The following SMOC2 variants were observed in gnomAD, a reference collection of about 807,000 sequenced individuals.
SMOC2 encodes the protein SPARC-related modular calcium-binding protein 2.
Under a neutral mutation model 61.4 loss-of-function variants are expected in SMOC2, and 39 were observed. That is an observed-to-expected ratio of 0.64 (90% CI 0.49 to 0.83). The LOEUF is 0.83. Ranked by LOEUF, SMOC2 falls within the 40% of genes least tolerant of loss-of-function variation. The pLI, the probability that SMOC2 is intolerant of heterozygous loss-of-function variation, is 0.00. For synonymous variants in SMOC2, 247 were observed against 239.9 expected (o/e 1.03, Z -0.27); for missense variants, 556 against 592.9 (o/e 0.94, Z 0.65).
chr6:168,659,567 AGGTTGAGTCAGGGTGGAGGTTGTAGGT>A (rs1562410579), intron 11 of SMOC2, among the ~76,000 whole-genome samples: 17 of 71,616 alleles, frequency 2.4e-4, no homozygotes, highest in Non-Finnish European at 3.3e-4. Context: ...TGGAGGTTGT[AGGTTGAGTCAGGGTGGAGGTTGTAGGT>A]TGGGTGAGGG....
chr6:168,592,421 A>G (rs865989837), intron 7 of SMOC2, among the ~76,000 whole-genome samples: 26 of 82,660 alleles, frequency 3.1e-4, no homozygotes, highest in East Asian at 5.3e-4. Flanking sequence ...AGGCCTCACG[A>G]GCATCTTTCT....
chr6:168,524,493 C>A (rs1238501667), intron 2 of SMOC2, among the ~76,000 whole-genome samples: 3 of 152,206 alleles, frequency 2.0e-5, no homozygotes, highest in Non-Finnish European at 4.4e-5. Flanking sequence ...AAGAATGGAG[C>A]CCACAGGAGT....
At chr6:168,446,736 T>C (rs977969376) in intron 1 of SMOC2, among the ~76,000 whole-genome samples, 2 of 152,130 alleles carry the variant, frequency 1.3e-5, no homozygotes, top group African/African-American at 2.4e-5. Flanking sequence ...AGGCCAGACA[T>C]CAAATAGCAA....
At chr6:168,633,844 C>T (rs1562395266) in intron 9 of SMOC2, among the ~76,000 whole-genome samples, 1 of 152,146 alleles carries the variant, frequency 6.6e-6, no homozygotes, top group Non-Finnish European at 1.5e-5. Context: ...TTGTAGTTCC[C>T]ATAATCCCCA....
At chr6:168,663,184 C>T (rs1328359187) in intron 11 of SMOC2, among the ~76,000 whole-genome samples, 1 of 152,072 alleles carries the variant, frequency 6.6e-6, no homozygotes, top group Non-Finnish European at 1.5e-5. Context: ...TGCTGGAGCC[C>T]CTGGGGTGCT....
chr6:168,540,121 G>A (rs894400489), intron 4 of SMOC2, among the ~76,000 whole-genome samples: 4 of 152,180 alleles, frequency 2.6e-5, no homozygotes, highest in South Asian at 2.1e-4. Context: ...TTTAATGCCC[G>A]CCTCCCCAAA....
rs1241328814 is a variant in SMOC2 at position 168,535,781 on chromosome 6, G to C, written c.464-7844G>C. ...TGTCAGGAGAGAGGCAGCGCCGCCGGGGGAAGATGGGAGGGAGACCAATGC... is the reference window on the plus strand; with the variant it reads ...TGTCAGGAGAGAGGCAGCGCCGCCGCGGGAAGATGGGAGGGAGACCAATGC... On this transcript the variant is annotated intron_variant, in intron 4 of 12. Coordinates refer to ENST00000356284, the MANE Select transcript of SMOC2 (RefSeq NM_001166412.2). This position sits in a 1 kb window ranked among gnomAD's most constrained non-coding sequence, Gnocchi z 4.6. 6.6e-6 allele frequency among the ~76,000 whole-genome samples: 1 copy of C among 152,230 alleles called. No individual in the cohort carries two copies. Among genetic ancestry groups the C allele is most frequent in the Non-Finnish European group, 1.5e-5 (1 of 68,040 alleles).
chr6:168,606,096 A>G (rs2115198877), intron 8 of SMOC2, among the ~76,000 whole-genome samples: 1 of 152,296 alleles, frequency 6.6e-6, no homozygotes, highest in East Asian at 1.9e-4. Flanking sequence ...ATAAGTAAAA[A>G]TAAGAGCTTC....
At position 168,653,214 on chromosome 6, in the gene SMOC2, C is replaced by A; in HGVS notation, c.1271C>A (p.Thr424Asn). Residue 424 changes from threonine (T) to asparagine (N), a missense_variant, in exon 11 of 13, where the codon ACC becomes AAC. By Grantham distance (65) the Thr-to-Asn change is moderately conservative. Transcript: ENST00000356284. ...GCGAAAGAGGACGGCAAAGCGGACA[C>A]CAAGAAACGCCACAGTAAGAGCTTT... ...GVAKEDGKAD[T>N]KKRHTPRGHA... 1 of 1,612,770 alleles carries A rather than the reference C, an allele frequency of 6.2e-7. No individual in the cohort carries two copies. The highest frequency in any genetic ancestry group is 8.5e-7 in the Non-Finnish European group (1 of 1,179,282).
At chr6:168,636,077 T>G (rs1786710413) in intron 9 of SMOC2, among the ~76,000 whole-genome samples, 1 of 152,218 alleles carries the variant, frequency 6.6e-6, no homozygotes, top group Non-Finnish European at 1.5e-5. Context: ...GTGTGACTGA[T>G]GAGGACAGCC....
intron 7 of SMOC2, among the ~76,000 whole-genome samples, chr6:168,580,919 C>G (rs925355821): frequency 2.6e-5 from 4 of 152,222 alleles, no homozygotes; most frequent in Non-Finnish European, 5.9e-5. Context: ...AGAGCACCTA[C>G]AGTGCGTGTA....
At chr6:168,604,495 G>A (rs1785636553) in intron 8 of SMOC2, among the ~76,000 whole-genome samples, 2 of 152,136 alleles carry the variant, frequency 1.3e-5, no homozygotes, top group Middle Eastern at 6.8e-3. Context: ...GAGTAACCAG[G>A]TCGCATTTCT....
At chr6:168,557,400 A>G (rs17627971) in intron 7 of SMOC2, among the ~76,000 whole-genome samples, 3,136 of 152,322 alleles carry the variant, frequency 0.021, 122 homozygotes, top group East Asian at 0.12. Flanking sequence ...TTTCAATCAT[A>G]TTTGATTCTC....
chr6:168,502,923 C>T (rs111775141), intron 1 of SMOC2, among the ~76,000 whole-genome samples: 2,352 of 151,634 alleles, frequency 0.016, 56 homozygotes, highest in African/African-American at 0.054. Context: ...TGTGTCACCA[C>T]GCCTGGCTAA....
At chr6:168,642,817 C>T (rs1034489423) in intron 9 of SMOC2, among the ~76,000 whole-genome samples, 1 of 152,114 alleles carries the variant, frequency 6.6e-6, no homozygotes, top group South Asian at 2.1e-4. Flanking sequence ...GTTTAAACTG[C>T]ATGGAAAGTT....
intron 12 of SMOC2, chr6:168,664,401 T>G (rs1787603782): frequency 4.0e-6 from 1 of 250,466 alleles, no homozygotes; most frequent in African/African-American, 2.2e-5. Context: ...TTTTTTTTTT[T>G]TTTTTTTTTT....
chr6:168,543,774 A>G lies in SMOC2; in HGVS notation c.511+102A>G, dbSNP rs569305402. The G allele has an allele frequency of 2.1e-3, 2,216 of 1,080,900 alleles. 66 individuals are homozygous for G. The South Asian group carries it at 0.03, about 14-fold the overall frequency. The allele number at this position is 1,080,900 out of a possible 1,614,324, so 67.0% of individuals were successfully genotyped here. On this transcript the variant is annotated intron_variant, in intron 5 of 12. Coordinates refer to ENST00000356284, the MANE Select transcript of SMOC2 (RefSeq NM_001166412.2). The stretch of plus-strand genomic sequence containing the variant: ...GTTGAAACATCCACTAGTGATGATG[A>G]TGAGAGCCGAACCAGTTTGTTACTT...
intron 4 of SMOC2, among the ~76,000 whole-genome samples, chr6:168,538,544 C>T (rs1368782503): frequency 8.7e-6 from 1 of 115,160 alleles, no homozygotes; most frequent in Non-Finnish European, 1.8e-5. Context: ...GTGGGGTGAC[C>T]GCTGCTGGAA....
chr6:168,477,953 A>G (rs1013718462), intron 1 of SMOC2, among the ~76,000 whole-genome samples: 7 of 152,194 alleles, frequency 4.6e-5, no homozygotes, highest in Non-Finnish European at 8.8e-5. Flanking sequence ...CTCCAGGAGA[A>G]AACTGCTCAT....
Sources: allele counts gnomAD v4.1 joint callset (sites outside exome capture counted in the v4.1 genomes callset), GRCh38; gene constraint gnomAD v4.1.1; non-coding constraint Gnocchi (gnomAD v3.1); transcripts MANE v1.5; gene names NCBI Gene and HGNC (gene_info 2026-07-23, HGNC 2026-07-21).